The following RNASEL variants were observed in gnomAD, a reference collection of about 807,000 sequenced individuals.
The protein encoded by RNASEL is 2-5A-dependent ribonuclease.
Under a neutral mutation model 50.9 loss-of-function variants are expected in RNASEL, and 36 were observed. The observed-to-expected ratio is 0.71, with a 90% CI of 0.54 to 0.93. The LOEUF is 0.93. Among genes scored for constraint, RNASEL ranks in the 40% least tolerant of loss-of-function variants. The pLI, the probability that RNASEL is intolerant of heterozygous loss-of-function variation, is 0.00. For missense variants in RNASEL, 860 were observed against 894.5 expected (o/e 0.96, Z 0.49); for synonymous variants, 335 against 335.6 (o/e 1.00, Z 0.02).
intron 5 of RNASEL, 51 bp downstream of exon 5, chr1:182,581,174 C>G (rs538587758): frequency 1.2e-6 from 2 of 1,613,046 alleles, no homozygotes; most frequent in East Asian, 4.5e-5. Flanking sequence ...TAAAACATTA[C>G]ACAAATTCTT....
intron 3 of RNASEL, among the ~76,000 whole-genome samples, chr1:182,583,499 T>C (rs180839384): frequency 5.9e-5 from 9 of 152,200 alleles, no homozygotes; most frequent in African/African-American, 1.9e-4. Context: ...GTCAACTTGA[T>C]TGAGTTGAAG....
In RNASEL at chr1:182,586,535, T is replaced by C. The variant is rs367543931; in HGVS notation, c.272A>G (p.Asn91Ser). Residue 91 changes from asparagine (N) to serine (S), a missense_variant, in exon 2 of 7, where the codon AAT becomes AGT. Transcript: ENST00000367559. ...HGADPVLRKK[N>S]GATPFILAAI... ...TGCGAGGATAAAAGGCGTGGCCCCA[T>C]TCTTCTTCCTCAGAACAGGGTCAGC... The C allele has an allele frequency of 3.4e-5, 55 of 1,608,866 alleles. No individual in the cohort carries two copies. Among genetic ancestry groups the C allele is most frequent in the Non-Finnish European group, 4.6e-5 (54 of 1,176,500 alleles).
At chr1:182,584,352 C>A (rs1661552839) in intron 2 of RNASEL, among the ~76,000 whole-genome samples, 186 bp from the exon 3 acceptor site, 1 of 152,182 alleles carries the variant, frequency 6.6e-6, no homozygotes, top group African/African-American at 2.4e-5. Flanking sequence ...TTCATTTGAT[C>A]TGTTAGGTAT....
chr1:182,578,717 G>A (rs1487188821), intron 5 of RNASEL: 2 of 152,174 alleles, frequency 1.3e-5, no homozygotes, highest in Non-Finnish European at 2.9e-5. Context: ...GCCTCCCAAA[G>A]TGCTGGGATT....
At position 182,576,405 on chromosome 1, in the gene RNASEL, A is replaced by G. The variant is rs756590422; in HGVS notation, c.1906-16T>C. On this transcript the variant is annotated splice_polypyrimidine_tract_variant and intron_variant, in intron 5 of 6. Coordinates refer to ENST00000367559, the MANE Select transcript of RNASEL (RefSeq NM_021133.4). ...ATTCATTAATCTAAAAAAACAAAAA[A>G]TAACACAAAAATGTGGTAGCAACAC... 2 of 1,538,684 alleles carry G rather than the reference A, an allele frequency of 1.3e-6. No individual in the cohort carries two copies. Among genetic ancestry groups the G allele is most frequent in the East Asian group, 2.3e-5 (1 of 44,100 alleles).
At chr1:182,579,704 C>T (rs1038665885) in intron 5 of RNASEL, 1 of 1,144,270 alleles carries the variant, frequency 8.7e-7, no homozygotes, top group Non-Finnish European at 1.1e-6. Context: ...TATCAAAATT[C>T]AATATAAGCC....
In RNASEL at chr1:182,575,577, T is replaced by A. The variant is rs748401080; in HGVS notation, c.2041A>T (p.Met681Leu). Reference protein sequence around the residue: ...EHIDEEKHKKMKLKIGDPSLY... With the variant: ...EHIDEEKHKKLKLKIGDPSLY... ...GAAGGGTCTCCAATTTTTAATTTCA[T>A]CCTGAAATAAAACACAAATTGTTCA... The change falls in exon 7 of 7, where the codon ATG (methionine) becomes TTG (leucine). Residue 681 changes from methionine (M) to leucine (L), a missense_variant and splice_region_variant. Met to Leu is a conservative substitution (Grantham distance 15, BLOSUM62 2). Transcript: ENST00000367559. 1 of 1,614,138 alleles carries A rather than the reference T, an allele frequency of 6.2e-7. No individual in the cohort carries two copies. The highest frequency in any genetic ancestry group is 1.3e-5 in the African/African-American group (1 of 75,060).
At position 182,586,186 on chromosome 1, in the gene RNASEL, G is replaced by A. The variant is rs772587819; in HGVS notation, c.621C>T (p.Ile207=). ...ACDNMGRNAL[I]HALLSSDDSD... is the part of the protein sequence containing the mutation. Reference sequence around the variant, plus strand: ...TATCGTCAGAGCTCAGGAGAGCATGGATCAAGGCATTTCTGCCCATATTGT... The same window carrying A: ...TATCGTCAGAGCTCAGGAGAGCATGAATCAAGGCATTTCTGCCCATATTGT... Residue 207 remains isoleucine, a synonymous_variant, in exon 2 of 7, where the codon ATC becomes ATT. Coordinates refer to ENST00000367559, the MANE Select transcript of RNASEL (RefSeq NM_021133.4). 10 of 1,614,188 alleles carry A rather than the reference G, an allele frequency of 6.2e-6. No homozygotes were observed. The South Asian group carries it at 1.1e-4, about 18-fold the overall frequency.
chr1:182,582,114 C>T lies in RNASEL; in HGVS notation c.1711G>A (p.Glu571Lys). ...DLIHRLFHPG[E>K]HVRDCLSDLL... ...TCACTCAGACAGTCCCTCACATGTT[C>T]CCCAGGATGGAAGAGACGATGAATG... Residue 571 changes from glutamate (E) to lysine (K), a missense_variant, in exon 4 of 7, where the codon GAA becomes AAA. Glu to Lys is a moderately conservative substitution (Grantham distance 56). Coordinates refer to ENST00000367559, the MANE Select transcript of RNASEL (RefSeq NM_021133.4). The T allele has an allele frequency of 6.2e-7, 1 of 1,614,218 alleles. No individual in the cohort carries two copies. The highest frequency in any genetic ancestry group is 8.5e-7 in the Non-Finnish European group (1 of 1,180,040).
intron 5 of RNASEL, chr1:182,577,135 G>A (rs1323370196): frequency 6.6e-6 from 1 of 150,572 alleles, no homozygotes; most frequent in Non-Finnish European, 1.5e-5. Flanking sequence ...CACCCACCTT[G>A]GCCCCCAAAG....
Position 182,586,521 on chromosome 1 carries a change from A to T in RNASEL, c.286T>A (p.Phe96Ile). 2 of 1,610,880 alleles carry T rather than the reference A, an allele frequency of 1.2e-6. No homozygotes were observed. Among genetic ancestry groups the T allele is most frequent in the Non-Finnish European group, 1.7e-6 (2 of 1,177,590 alleles). ...VLRKKNGATP[F>I]ILAAIAGSVK... is the part of the protein sequence containing the mutation. ...CTCCCCGCAATCGCTGCGAGGATAA[A>T]AGGCGTGGCCCCATTCTTCTTCCTC... Residue 96 changes from phenylalanine (F) to isoleucine (I), a missense_variant, in exon 2 of 7, where the codon TTT becomes ATT. By Grantham distance (21) the Phe-to-Ile change is conservative. Coordinates refer to ENST00000367559, the MANE Select transcript of RNASEL (RefSeq NM_021133.4).
Position 182,586,164 on chromosome 1 carries a change from CGT to C in RNASEL, c.641_642del (p.Asp214GlyfsTer2). On this transcript the variant is annotated frameshift_variant, in exon 2 of 7. Transcript: ENST00000367559. LOFTEE classifies it high-confidence loss of function. ...TGCGTAATAGCCTCCACATCACTAT[CGT>C]CAGAGCTCAGGAGAGCATGGATCAA... ...NALIHALLSSDDSDVEAITHL... is the reference protein window; with the variant it reads ...NALIHALLSSXDSDVEAITHL... The C allele has an allele frequency of 6.2e-7, 1 of 1,614,200 alleles. No individual in the cohort carries two copies. Among genetic ancestry groups the C allele is most frequent in the Non-Finnish European group, 8.5e-7 (1 of 1,180,044 alleles).
rs745998072 is a variant in RNASEL at position 182,585,940 on chromosome 1, G to C, written c.867C>G (p.Ala289=). ...LAVELKLKKI[A]ELLCKRGAST... ...TGGCTCCACGTTTGCACAGCAACTCGGCGATTTTCTTCAGTTTGAGTTCAA... is the reference window on the plus strand; with the variant it reads ...TGGCTCCACGTTTGCACAGCAACTCCGCGATTTTCTTCAGTTTGAGTTCAA... The change falls in exon 2 of 7, where the codon GCC becomes GCG. Residue 289 remains alanine, a synonymous_variant. Transcript: ENST00000367559. The C allele has an allele frequency of 1.2e-6, 2 of 1,614,104 alleles. No homozygotes were observed. Among genetic ancestry groups the C allele is most frequent in the Non-Finnish European group, 1.7e-6 (2 of 1,180,012 alleles).
chr1:182,581,637 A>G (rs1385015451), intron 4 of RNASEL, among the ~76,000 whole-genome samples: 1 of 150,148 alleles, frequency 6.7e-6, no homozygotes, highest in Non-Finnish European at 1.5e-5. Flanking sequence ...ACCTGCCACC[A>G]CACTCGGCTA....
chr1:182,576,364 A>T lies in RNASEL; in HGVS notation c.1931T>A (p.Met644Lys), dbSNP rs1558466724. 6.3e-7 allele frequency: 1 copy of T among 1,589,220 alleles called. No individual in the cohort carries two copies. Among genetic ancestry groups the T allele is most frequent in the East Asian group, 2.2e-5 (1 of 44,648 alleles). The change falls in exon 6 of 7, where the codon ATG (methionine) becomes AAG (lysine). Residue 644 changes from methionine (M) to lysine (K), a missense_variant. Coordinates refer to ENST00000367559, the MANE Select transcript of RNASEL (RefSeq NM_021133.4). ...GCCTCTTTTTTCATAAAACTTATTC[A>T]TTTTTTTCATAACACATTCATTAAT... ...TKINECVMKK[M>K]NKFYEKRGNF...
In RNASEL at chr1:182,586,424, G is replaced by T. The variant is rs748967483; in HGVS notation, c.383C>A (p.Ala128Asp). ...VNECDFYGFT[A>D]FMEAAVYGKV... is the part of the protein sequence containing the mutation. ...ACCATACACAGCGGCTTCCATGAAG[G>T]CTGTGAAGCCATAAAAATCACACTC... Residue 128 changes from alanine to aspartate, a missense_variant, in exon 2 of 7, where the codon GCC becomes GAC. Transcript: ENST00000367559. 2.8e-5 allele frequency: 45 copies of T among 1,613,972 alleles called. No homozygotes were observed. The East Asian group carries it at 9.4e-4, about 34-fold the overall frequency.
chr1:182,581,119 GCCTC>G, intron 5 of RNASEL, 102 bp downstream of exon 5: 1 of 1,552,792 alleles, frequency 6.4e-7, no homozygotes, highest in Non-Finnish European at 8.9e-7. Context: ...ACCTCTTTGA[GCCTC>G]TGGTTTGCCA....
At chr1:182,588,206 A>G (rs1661635427) in intron 1 of RNASEL, among the ~76,000 whole-genome samples, 1 of 152,156 alleles carries the variant, frequency 6.6e-6, no homozygotes, top group African/African-American at 2.4e-5. Context: ...AAGAGCTTGT[A>G]CTCTGACCTT....
Position 182,576,350 on chromosome 1 carries a change from C to A in RNASEL, c.1945G>T (p.Glu649Ter), listed in dbSNP as rs752498028. ...CVMKKMNKFYEKRGNFYQNTV... is the reference protein window; with the variant it reads ...CVMKKMNKFY ...TTCTGGTAGAAATTGCCTCTTTTTT[C>A]ATAAAACTTATTCATTTTTTTCATA... Residue 649 changes from glutamate (E) to a stop codon, truncating the protein, a stop_gained, in exon 6 of 7, where the codon GAA becomes TAA. Transcript: ENST00000367559. LOFTEE classifies it high-confidence loss of function. The A allele has an allele frequency of 6.3e-7, 1 of 1,599,904 alleles. No individual in the cohort carries two copies. The highest frequency in any genetic ancestry group is 1.1e-5 in the South Asian group (1 of 89,870).
Sources: allele counts gnomAD v4.1 joint callset (sites outside exome capture counted in the v4.1 genomes callset), GRCh38; gene constraint gnomAD v4.1.1; transcripts MANE v1.5; gene names NCBI Gene and HGNC (gene_info 2026-07-23, HGNC 2026-07-21).